The following SNX29 variants were observed in gnomAD, a reference collection of about 807,000 sequenced individuals.
SNX29 encodes the protein sorting nexin 29.
SNX29 carries 78 observed loss-of-function variants against 102.1 expected under a neutral mutation model. That is an observed-to-expected ratio of 0.76 (90% CI 0.64 to 0.92). The LOEUF is 0.92. Among genes scored for constraint, SNX29 ranks in the 40% least tolerant of loss-of-function variants. SNX29 has a pLI of 0.00. For missense variants in SNX29, 1,280 were observed against 1,061.7 expected, an observed-to-expected ratio of 1.21 and a Z score of -2.86; for synonymous variants, 580 against 414.5, an observed-to-expected ratio of 1.40 and a Z score of -4.85.
Position 12,379,563 on chromosome 16 carries a change from C to A in SNX29, c.1900-18883C>A, listed in dbSNP as rs371538261. Among the ~76,000 whole-genome samples, 28 of 152,318 alleles carry A rather than the reference C, an allele frequency of 1.8e-4. No individual in the cohort carries two copies. The South Asian group carries it at 5.8e-3, about 32-fold the overall frequency. The stretch of plus-strand genomic sequence containing the variant: ...CACTTTGACTCAGTTCCAAAAACAT[C>A]TTCTCAAAGAGTCATCAGTTTCAAA... On this transcript the variant is annotated intron_variant, in intron 16 of 20. Transcript: ENST00000566228.
At chr16:12,320,440 C>T (rs948203821) in intron 15 of SNX29, among the ~76,000 whole-genome samples, 1 of 152,154 alleles carries the variant, frequency 6.6e-6, no homozygotes, top group African/African-American at 2.4e-5. Context: ...AATGTGAAGA[C>T]AGGAAGCGCT....
chr16:12,282,083 CAA>C (rs758827865), intron 15 of SNX29, among the ~76,000 whole-genome samples: 3,246 of 61,622 alleles, frequency 0.053, 31 homozygotes, highest in African/African-American at 0.11. Flanking sequence ...GACTCCATCT[CAA>C]AAAAAAAAAA....
intron 4 of SNX29, among the ~76,000 whole-genome samples, chr16:12,029,149 G>A (rs960239060): frequency 6.6e-5 from 10 of 151,618 alleles, no homozygotes; most frequent in African/African-American, 2.4e-4. Context: ...CCGGGGCTAG[G>A]GTAAGTTCAG....
chr16:12,563,283 G>A (rs67577857), intron 20 of SNX29, among the ~76,000 whole-genome samples: 2 of 151,824 alleles, frequency 1.3e-5, no homozygotes, highest in African/African-American at 2.4e-5. Flanking sequence ...TCGGGTTCTG[G>A]ATCCACAGCT....
chr16:12,369,131 T>C (rs2082590922), intron 16 of SNX29, among the ~76,000 whole-genome samples: 1 of 151,572 alleles, frequency 6.6e-6, no homozygotes, highest in Non-Finnish European at 1.5e-5. Flanking sequence ...GTTATTAGCA[T>C]GTTCATATCT....
intron 17 of SNX29, among the ~76,000 whole-genome samples, chr16:12,402,280 GA>G (rs2083976234): frequency 6.6e-6 from 1 of 152,230 alleles, no homozygotes; most frequent in South Asian, 2.1e-4. Context: ...TTGTCATTGT[GA>G]AAATGAAATG....
At chr16:12,156,652 C>T (rs1238632745) in intron 13 of SNX29, among the ~76,000 whole-genome samples, 4 of 152,194 alleles carry the variant, frequency 2.6e-5, no homozygotes, top group Admixed American at 6.5e-5. Context: ...TGCTGAGAGC[C>T]GTGTTTTGTT....
chr16:12,115,483 A>ATT (rs1425948466), intron 11 of SNX29, among the ~76,000 whole-genome samples: 1 of 82,656 alleles, frequency 1.2e-5, no homozygotes, highest in African/African-American at 6.1e-5. Context: ...CTCCACCTTG[A>ATT]TTTGTGTGTG....
At chr16:12,466,614 G>A (rs143937863) in intron 18 of SNX29, among the ~76,000 whole-genome samples, 179 of 152,274 alleles carry the variant, frequency 1.2e-3, no homozygotes, top group African/African-American at 4.2e-3. Context: ...CCACTCCCTT[G>A]AAAAGGCCAG....
intron 5 of SNX29, among the ~76,000 whole-genome samples, chr16:12,043,350 TC>T (rs1020189392): frequency 2.6e-5 from 4 of 151,942 alleles, no homozygotes; most frequent in African/African-American, 9.7e-5. Context: ...CTCTTCACTT[TC>T]TGGATTTTTT....
intron 13 of SNX29, among the ~76,000 whole-genome samples, chr16:12,156,023 G>T (rs2055533561): frequency 6.6e-6 from 1 of 152,202 alleles, no homozygotes; most frequent in African/African-American, 2.4e-5. Context: ...GTGTTCATCT[G>T]CTCTGGGCAT....
intron 18 of SNX29, among the ~76,000 whole-genome samples, chr16:12,435,466 C>G (rs1441036563): frequency 6.6e-6 from 1 of 152,142 alleles, no homozygotes; most frequent in Non-Finnish European, 1.5e-5. Context: ...CAGGCGGGTA[C>G]GAGGCTCTGA....
At chr16:12,564,021 G>A (rs886591682) in intron 20 of SNX29, among the ~76,000 whole-genome samples, 1 of 151,928 alleles carries the variant, frequency 6.6e-6, no homozygotes, top group Non-Finnish European at 1.5e-5. Flanking sequence ...AGGGTAGGGA[G>A]TTGAGGAGTT....
At chr16:12,174,469 T>G (rs1206096556) in intron 13 of SNX29, among the ~76,000 whole-genome samples, 1 of 152,190 alleles carries the variant, frequency 6.6e-6, no homozygotes, top group Non-Finnish European at 1.5e-5. Context: ...AATCTAGCTG[T>G]TGCTGCCCAT....
intron 10 of SNX29, among the ~76,000 whole-genome samples, chr16:12,076,108 C>T (rs995627263): frequency 2.0e-5 from 3 of 152,200 alleles, no homozygotes; most frequent in Admixed American, 2.0e-4. Context: ...TCCCTGACCC[C>T]TTGCGCTTCC....
intron 20 of SNX29, among the ~76,000 whole-genome samples, chr16:12,541,963 C>G (rs762504288): frequency 2.0e-5 from 3 of 152,202 alleles, no homozygotes; most frequent in Non-Finnish European, 4.4e-5. Context: ...GCTGGATCCA[C>G]TTCAGAGACT....
At chr16:11,992,600 G>A (rs568058041) in intron 1 of SNX29, among the ~76,000 whole-genome samples, 1 of 151,892 alleles carries the variant, frequency 6.6e-6, no homozygotes, top group South Asian at 2.1e-4. Flanking sequence ...AGCTTGCCCT[G>A]GTCCCCACCA....
At chr16:12,364,995 C>G (rs1439054332) in intron 16 of SNX29, among the ~76,000 whole-genome samples, 2 of 152,002 alleles carry the variant, frequency 1.3e-5, no homozygotes, top group Non-Finnish European at 2.9e-5. Flanking sequence ...CTAGGCAGTC[C>G]TTATAATTTT....
chr16:12,058,033 G>A (rs1383897354), intron 8 of SNX29, among the ~76,000 whole-genome samples: 5 of 151,906 alleles, frequency 3.3e-5, no homozygotes, highest in Admixed American at 3.3e-4. Context: ...TGGCCAGGCT[G>A]GTCTCAAAAC....
Sources: gnomAD v4.1 joint callset for allele counts (sites outside exome capture counted in the v4.1 genomes callset) on GRCh38, gnomAD v4.1.1 for gene constraint, MANE v1.5 for transcripts, NCBI Gene and HGNC (gene_info 2026-07-23, HGNC 2026-07-21) for gene names.